Variants in PHF14 observed in about 807,000 individuals in gnomAD.
PHF14 encodes the protein PHD finger protein 14.
In PHF14, 55 loss-of-function variants were observed where a neutral mutation model predicts 117.9. That is an observed-to-expected ratio of 0.47 (90% CI 0.38 to 0.58). The LOEUF is 0.58. PHF14 is among the 20% of genes least tolerant of loss of function. The pLI, the probability that PHF14 is intolerant of heterozygous loss-of-function variation, is 0.00. For missense variants in PHF14, 978 were observed against 1,122.2 expected (o/e 0.87, Z 1.84); for synonymous variants, 409 against 368.6 (o/e 1.11, Z -1.26).
chr7:11,027,344 T>C (rs1295700488), intron 6 of PHF14, among the ~76,000 whole-genome samples: 1 of 152,178 alleles, frequency 6.6e-6, no homozygotes, highest in Admixed American at 6.5e-5. Context: ...GATTTGACTA[T>C]TGAAGTTTTT....
At chr7:11,142,335 A>G (rs1247130592) in intron 17 of PHF14, among the ~76,000 whole-genome samples, 1 of 152,176 alleles carries the variant, frequency 6.6e-6, no homozygotes, top group African/African-American at 2.4e-5. Context: ...TCACTGCGCC[A>G]TAATGGATCA....
chr7:11,156,653 G>A (rs1312703000), intron 17 of PHF14, among the ~76,000 whole-genome samples: 1 of 152,026 alleles, frequency 6.6e-6, no homozygotes, highest in Non-Finnish European at 1.5e-5. Flanking sequence ...AAATTAGCCG[G>A]GTGTAGTGGC....
intron 4 of PHF14, among the ~76,000 whole-genome samples, chr7:10,999,154 C>T (rs1386741767): frequency 6.6e-6 from 1 of 152,148 alleles, no homozygotes; most frequent in African/African-American, 2.4e-5. Context: ...TGACTAAAGG[C>T]ATTAAAGGCA....
chr7:11,048,739 T>C (rs1207962520), intron 13 of PHF14, among the ~76,000 whole-genome samples: 1 of 152,234 alleles, frequency 6.6e-6, no homozygotes, highest in African/African-American at 2.4e-5. Flanking sequence ...TAATAGATTG[T>C]TGAAGAATGG....
At chr7:10,985,293 T>C (rs1273734031) in intron 3 of PHF14, among the ~76,000 whole-genome samples, 4 of 152,164 alleles carry the variant, frequency 2.6e-5, no homozygotes, top group Non-Finnish European at 4.4e-5. Flanking sequence ...AAGTATATAT[T>C]TGATTATATT....
At chr7:11,134,553 G>A (rs73681613) in intron 17 of PHF14, among the ~76,000 whole-genome samples, 2,167 of 151,986 alleles carry the variant, frequency 0.014, 46 homozygotes, top group African/African-American at 0.05. Flanking sequence ...TCATCCAAGC[G>A]CTTTATTTTA....
At chr7:11,046,246 C>T (rs1042798551) in intron 13 of PHF14, among the ~76,000 whole-genome samples, 1 of 152,170 alleles carries the variant, frequency 6.6e-6, no homozygotes, top group African/African-American at 2.4e-5. Context: ...TGGTAGGATA[C>T]AAATGGTAAG....
intron 4 of PHF14, among the ~76,000 whole-genome samples, chr7:10,993,396 A>C (rs192647482): frequency 6.6e-6 from 1 of 152,122 alleles, no homozygotes; most frequent in Non-Finnish European, 1.5e-5. Context: ...TCTGATCTTC[A>C]TGTGGAGCTG....
chr7:11,052,470 G>A (rs6958196), intron 14 of PHF14, among the ~76,000 whole-genome samples: 2,377 of 152,066 alleles, frequency 0.016, 61 homozygotes, highest in African/African-American at 0.054. Context: ...ATCTCCTGCA[G>A]CATGGTAACA....
chr7:11,054,488 A>G (rs1784949978), intron 14 of PHF14, among the ~76,000 whole-genome samples: 1 of 152,154 alleles, frequency 6.6e-6, no homozygotes, highest in Non-Finnish European at 1.5e-5. Context: ...TGAGAGATAC[A>G]GAAGGGAGTG....
At chr7:11,136,223 A>G (rs894966613) in intron 17 of PHF14, among the ~76,000 whole-genome samples, 1 of 152,088 alleles carries the variant, frequency 6.6e-6, no homozygotes, top group Non-Finnish European at 1.5e-5. Flanking sequence ...TGCCAAATCT[A>G]TTGTATGCCG....
At chr7:11,092,058 T>A (rs1159262832) in intron 16 of PHF14, among the ~76,000 whole-genome samples, 1 of 150,502 alleles carries the variant, frequency 6.6e-6, no homozygotes, top group Non-Finnish European at 1.5e-5. Context: ...TACTCTGCCA[T>A]TTTTAAGCTT....
At chr7:11,010,768 A>T (rs1783327822) in intron 4 of PHF14, among the ~76,000 whole-genome samples, 1 of 151,992 alleles carries the variant, frequency 6.6e-6, no homozygotes, top group Non-Finnish European at 1.5e-5. Context: ...CTCCCACCTC[A>T]GCCTTTCTAG....
In PHF14 at chr7:10,990,887, A is replaced by C. The variant is rs555478817; in HGVS notation, c.1045+40A>C. On this transcript the variant is annotated intron_variant, in intron 4 of 17. Coordinates refer to ENST00000634607, the MANE Select transcript of PHF14 (RefSeq NM_001007157.2). Reference sequence around the variant, plus strand: ...TTTTCTCTCTTTTTAGAAATGGCTGACTGTGGCTCTTTTACATTTGTACTA... The same window carrying C: ...TTTTCTCTCTTTTTAGAAATGGCTGCCTGTGGCTCTTTTACATTTGTACTA... The C allele has an allele frequency of 1.0e-5, 15 of 1,473,758 alleles. No homozygotes were observed. In the South Asian group the frequency reaches 1.6e-4, roughly 16 times the overall value. 91.3% of individuals were successfully genotyped at this position (1,473,758 alleles called of 1,614,324 possible). A position where few individuals can be genotyped will look rare whatever the true frequency, so the allele number is the denominator to read the frequency against.
At chr7:11,055,543 T>C (rs1300705674) in intron 14 of PHF14, among the ~76,000 whole-genome samples, 1 of 152,220 alleles carries the variant, frequency 6.6e-6, no homozygotes, top group Non-Finnish European at 1.5e-5. Flanking sequence ...CAAAATACTT[T>C]TTAGCAGCTT....
chr7:11,156,891 A>G (rs562534670), intron 17 of PHF14, among the ~76,000 whole-genome samples: 6 of 152,350 alleles, frequency 3.9e-5, no homozygotes, highest in Middle Eastern at 3.4e-3. Context: ...AAAGAGCAGT[A>G]TAAGTTACAT....
chr7:11,124,288 T>C (rs1246086474), intron 17 of PHF14, among the ~76,000 whole-genome samples: 1 of 152,106 alleles, frequency 6.6e-6, no homozygotes, highest in Admixed American at 6.6e-5. Flanking sequence ...AAATTACAGT[T>C]AGATCATACT....
intron 5 of PHF14, among the ~76,000 whole-genome samples, chr7:11,015,509 G>A (rs554064440): frequency 6.6e-6 from 1 of 152,282 alleles, no homozygotes; most frequent in Admixed American, 6.5e-5. Context: ...CCTAGTATTA[G>A]GGAGTTTAGT....
intron 16 of PHF14, among the ~76,000 whole-genome samples, chr7:11,091,450 T>A (rs1786638806): frequency 6.6e-6 from 1 of 152,018 alleles, no homozygotes; most frequent in Non-Finnish European, 1.5e-5. Context: ...CATTTAAAAT[T>A]ATGGGATTAT....
Sources: allele counts gnomAD v4.1 joint callset (sites outside exome capture counted in the v4.1 genomes callset), GRCh38; gene constraint gnomAD v4.1.1; transcripts MANE v1.5; gene names NCBI Gene and HGNC (gene_info 2026-07-23, HGNC 2026-07-21).